STK17B: variants seen among roughly 807,000 people sequenced by gnomAD.
The protein encoded by STK17B is serine/threonine-protein kinase 17B.
In STK17B, 21 loss-of-function variants were observed where a neutral mutation model predicts 42.0. The observed-to-expected ratio is 0.50, with a 90% CI of 0.35 to 0.72. STK17B has a LOEUF of 0.72. Among genes scored for constraint, STK17B ranks in the 30% least tolerant of loss-of-function variants. The pLI, the probability that STK17B is intolerant of heterozygous loss-of-function variation, is 0.00. For missense variants in STK17B, 349 were observed against 446.0 expected, an observed-to-expected ratio of 0.78 and a Z score of 1.96; for synonymous variants, 143 against 148.4, an observed-to-expected ratio of 0.96 and a Z score of 0.26.
At chr2:196,174,937 A>G (rs371020560), upstream of STK17B, among the ~76,000 whole-genome samples, 108 of 152,356 alleles carry the variant, frequency 7.1e-4, 2 homozygotes, top group South Asian at 0.019. Context: ...AACATCCATG[A>G]TCAACTAGGG....
At chr2:196,171,161 C>A (rs1296399808) in intron 1 of STK17B, among the ~76,000 whole-genome samples, 172 bp downstream of exon 1, 2 of 152,222 alleles carry the variant, frequency 1.3e-5, no homozygotes, top group African/African-American at 4.8e-5. Flanking sequence ...AGCGGAGAGG[C>A]GCCAGCAGCA....
rs1405977459 is a variant in STK17B at position 196,135,468 on chromosome 2, T to G, written c.*1979A>C. The G allele has an allele frequency of 1.3e-5, 2 of 152,258 alleles. No homozygotes were observed. The highest frequency in any genetic ancestry group is 3.9e-4 in the East Asian group (2 of 5,192). The allele number at this position is 152,258 out of a possible 1,614,324, so 9.4% of individuals were successfully genotyped here. On this transcript the variant is annotated 3_prime_UTR_variant, in exon 8 of 8. Coordinates refer to ENST00000263955, the MANE Select transcript of STK17B (RefSeq NM_004226.4). Reference sequence around the variant, plus strand: ...ATATAAAGAATATAAATGTCATAATTTATATGTCATAAGAAAAGAGCTCCT... The same window carrying G: ...ATATAAAGAATATAAATGTCATAATGTATATGTCATAAGAAAAGAGCTCCT...
chr2:196,143,606 C>T lies in STK17B; in HGVS notation c.561G>A (p.Gly187=). 1 of 1,609,070 alleles carries T rather than the reference C, an allele frequency of 6.2e-7. No homozygotes were observed. The highest frequency in any genetic ancestry group is 8.5e-7 in the Non-Finnish European group (1 of 1,177,668). The change falls in exon 5 of 8, where the codon GGG becomes GGA. Residue 187 remains glycine (G), a synonymous_variant. Coordinates refer to ENST00000263955, the MANE Select transcript of STK17B (RefSeq NM_004226.4). ...TGATTTCCCGAAGTTCACACGCATG[C>T]CCTATTTTTCGAGACATTCCAAAAT... ...IVDFGMSRKI[G]HACELREIMG... is the part of the protein sequence containing the mutation.
At chr2:196,137,820 T>C in intron 7 of STK17B, 91 bp from the exon 8 acceptor site, 1 of 1,403,196 alleles carries the variant, frequency 7.1e-7, no homozygotes, top group African/African-American at 1.5e-5. Context: ...ATTTTTTACT[T>C]CTTGTGAAAA....
chr2:196,164,213 A>G (rs1454421190), intron 1 of STK17B, among the ~76,000 whole-genome samples: 2 of 152,190 alleles, frequency 1.3e-5, no homozygotes, highest in African/African-American at 2.4e-5. Flanking sequence ...GAAGGACTAC[A>G]AGAAATAGAA....
chr2:196,145,843 G>C, intron 4 of STK17B, 68 bp downstream of exon 4: 1 of 1,446,098 alleles, frequency 6.9e-7, no homozygotes, highest in Non-Finnish European at 9.2e-7. Context: ...ATACCAGTTT[G>C]CAACTGTGCA....
At chr2:196,145,660 T>C (rs1699562332) in intron 4 of STK17B, among the ~76,000 whole-genome samples, 1 of 152,202 alleles carries the variant, frequency 6.6e-6, no homozygotes, top group Non-Finnish European at 1.5e-5. Context: ...TTCCATCTAA[T>C]GTAGGATTAG....
chr2:196,171,855 G>T (rs563293415), upstream of STK17B, among the ~76,000 whole-genome samples: 2 of 151,790 alleles, frequency 1.3e-5, no homozygotes, highest in South Asian at 2.1e-4. Flanking sequence ...GCTGCAGAGG[G>T]GGCGCGCGGG....
chr2:196,160,966 AT>A (rs900818093), intron 2 of STK17B, among the ~76,000 whole-genome samples: 2 of 152,206 alleles, frequency 1.3e-5, no homozygotes, highest in Non-Finnish European at 2.9e-5. Context: ...TACTTTATAG[AT>A]TTTTTAGCTC....
chr2:196,173,651 G>A (rs1350705185), upstream of STK17B, among the ~76,000 whole-genome samples: 5 of 152,096 alleles, frequency 3.3e-5, no homozygotes, highest in South Asian at 2.1e-4. Context: ...ATTCATCACC[G>A]TGTCAAAGAT....
intron 2 of STK17B, among the ~76,000 whole-genome samples, chr2:196,162,872 AGAGT>A (rs1415292135): frequency 1.3e-5 from 2 of 152,082 alleles, no homozygotes; most frequent in Non-Finnish European, 2.9e-5. Flanking sequence ...CTTGAGCAAC[AGAGT>A]GAGACCCCGC....
At chr2:196,168,226 A>T (rs1699894811) in intron 1 of STK17B, among the ~76,000 whole-genome samples, 1 of 152,214 alleles carries the variant, frequency 6.6e-6, no homozygotes, top group African/African-American at 2.4e-5. Context: ...CCAAGGGCTG[A>T]AGTGTCAGGC....
At chr2:196,159,311 G>GTTT (rs71009085) in intron 2 of STK17B, among the ~76,000 whole-genome samples, 2 of 130,698 alleles carry the variant, frequency 1.5e-5, no homozygotes, top group East Asian at 2.4e-4. Flanking sequence ...CCAAGAGGTT[G>GTTT]TTTTTTTTTT....
upstream of STK17B, among the ~76,000 whole-genome samples, chr2:196,172,229 T>C (rs1699957125): frequency 6.6e-6 from 1 of 151,560 alleles, no homozygotes; most frequent in African/African-American, 2.4e-5. Flanking sequence ...CCCAATAGGC[T>C]GAATAGCCGA....
chr2:196,152,946 T>C (rs552193383), intron 3 of STK17B: 7 of 152,134 alleles, frequency 4.6e-5, no homozygotes, highest in African/African-American at 1.4e-4. Context: ...CAATTATTTA[T>C]TTTTTATTTT....
intron 2 of STK17B, among the ~76,000 whole-genome samples, chr2:196,162,929 A>C (rs962341910): frequency 2.6e-5 from 4 of 152,136 alleles, no homozygotes; most frequent in African/African-American, 9.7e-5. Flanking sequence ...ATTTAGTTGA[A>C]GTCACACACC....
upstream of STK17B, among the ~76,000 whole-genome samples, chr2:196,173,993 A>T (rs1408236871): frequency 6.6e-6 from 1 of 152,172 alleles, no homozygotes; most frequent in Non-Finnish European, 1.5e-5. Context: ...AACACTGACT[A>T]AGGGACCACC....
chr2:196,141,962 A>AT (rs1699500403), intron 5 of STK17B, among the ~76,000 whole-genome samples: 1 of 152,062 alleles, frequency 6.6e-6, no homozygotes, highest in Middle Eastern at 3.2e-3. Context: ...AATTTGCATT[A>AT]TTTTCTTAGA....
chr2:196,158,605 T>C (rs1332312012), intron 2 of STK17B, among the ~76,000 whole-genome samples: 3 of 152,286 alleles, frequency 2.0e-5, no homozygotes, highest in Non-Finnish European at 4.4e-5. Context: ...CAGAATAAGA[T>C]TAAATACCTC....
Sources: allele counts gnomAD v4.1 joint callset (sites outside exome capture counted in the v4.1 genomes callset), GRCh38; gene constraint gnomAD v4.1.1; transcripts MANE v1.5; gene names NCBI Gene and HGNC (gene_info 2026-07-23, HGNC 2026-07-21).